UBR2: variants seen among roughly 807,000 people sequenced by gnomAD.
UBR2 encodes ubiquitin protein ligase E3 component n-recognin 2.
UBR2 carries 92 observed loss-of-function variants against 247.9 expected under a neutral mutation model. That is an observed-to-expected ratio of 0.37 (90% confidence interval 0.31 to 0.44). The LOEUF is 0.44. Ranked by LOEUF, UBR2 falls within the 20% of genes least tolerant of loss-of-function variation. UBR2 has a pLI of 1.00. For synonymous variants in UBR2, 672 were observed against 693.5 expected (o/e 0.97, Z 0.49); for missense variants, 1,613 against 2,112.6 (o/e 0.76, Z 4.64).
intron 23 of UBR2, 29 bp downstream of exon 23, chr6:42,650,415 G>A (rs1797046457): frequency 6.4e-7 from 1 of 1,565,156 alleles, no homozygotes. Context: ...AATGTAGCAG[G>A]GAAGGATTGC....
At chr6:42,680,160 C>G (rs1417054539) in intron 42 of UBR2, among the ~76,000 whole-genome samples, 1 of 152,114 alleles carries the variant, frequency 6.6e-6, no homozygotes, top group Admixed American at 6.5e-5. Context: ...CATACACCAC[C>G]ATGCCTGGCT....
intron 11 of UBR2, among the ~76,000 whole-genome samples, chr6:42,628,605 C>G (rs907128522): frequency 6.6e-6 from 1 of 151,640 alleles, no homozygotes; most frequent in Non-Finnish European, 1.5e-5. Context: ...TGCTGGTAAT[C>G]CTAGCTACTC....
chr6:42,669,818 G>A (rs1008180813), intron 34 of UBR2, among the ~76,000 whole-genome samples: 9 of 152,320 alleles, frequency 5.9e-5, no homozygotes, highest in Non-Finnish European at 1.3e-4. Context: ...GATGTTCTCA[G>A]GATGGGAAAC....
intron 4 of UBR2, among the ~76,000 whole-genome samples, chr6:42,597,230 C>A (rs1464802626): frequency 6.6e-6 from 1 of 152,130 alleles, no homozygotes; most frequent in African/African-American, 2.4e-5. Context: ...ACAATCCTGC[C>A]TGGAGAATGT....
intron 32 of UBR2, chr6:42,664,261 A>G (rs1797985543): frequency 6.6e-6 from 1 of 152,238 alleles, no homozygotes. Flanking sequence ...GAAGTGTTCC[A>G]TATTTTTAGC....
chr6:42,690,832 G>A (rs948414971), intron 46 of UBR2, among the ~76,000 whole-genome samples, 200 bp from the exon 47 acceptor site: 1 of 152,102 alleles, frequency 6.6e-6, no homozygotes, highest in African/African-American at 2.4e-5. Flanking sequence ...CCTCATTTCA[G>A]CACTTATTCC....
At chr6:42,631,050 TGCCTCA>T (rs1741227494) in intron 11 of UBR2, among the ~76,000 whole-genome samples, 1 of 152,152 alleles carries the variant, frequency 6.6e-6, no homozygotes, top group East Asian at 1.9e-4. Context: ...ATAATCCGCC[TGCCTCA>T]GCCTCCCAAA....
chr6:42,667,741 T>C (rs1798203047), intron 34 of UBR2, among the ~76,000 whole-genome samples: 1 of 146,534 alleles, frequency 6.8e-6, no homozygotes, highest in Admixed American at 6.8e-5. Context: ...AGTAGATCTA[T>C]CCAATGTCTA....
At position 42,659,554 on chromosome 6, in the gene UBR2, CACACACACT is replaced by C. The variant is rs1408679402; in HGVS notation, c.3243-93_3243-85del. 3.0e-5 allele frequency: 24 copies of C among 807,750 alleles called. No individual in the cohort carries two copies. In the African/African-American group the frequency reaches 3.6e-4, roughly 12 times the overall value. 50.0% of individuals were successfully genotyped at this position (807,750 alleles called of 1,614,324 possible). ...ACACACACACACACACACACACACA[CACACACACT>C]ACACACACACACACATACCTGTAGT... On this transcript the variant is annotated intron_variant, in intron 29 of 46. Coordinates refer to ENST00000372901, the MANE Select transcript of UBR2 (RefSeq NM_001363705.2). This position sits in a 1 kb window ranked among gnomAD's most constrained non-coding sequence, Gnocchi z 4.3.
At chr6:42,669,033 C>T (rs1277694868) in intron 34 of UBR2, among the ~76,000 whole-genome samples, 1 of 152,154 alleles carries the variant, frequency 6.6e-6, no homozygotes, top group African/African-American at 2.4e-5. Flanking sequence ...AAGGGATTCT[C>T]ATGCCTCAGC....
chr6:42,652,632 C>A lies in UBR2; in HGVS notation c.2756C>A (p.Ser919Tyr). The change falls in exon 25 of 47, where the codon TCC becomes TAC. Residue 919 changes from serine (S) to tyrosine (Y), a missense_variant. By Grantham distance (144) the Ser-to-Tyr change is moderately radical. Coordinates refer to ENST00000372901, the MANE Select transcript of UBR2 (RefSeq NM_001363705.2). The stretch of plus-strand genomic sequence containing the variant: ...CATAATGGATATGCCTGGTCAGAGT[C>A]CATGCTGCAAAGGGTAGGTTTGAAG... ...VEHNGYAWSE[S>Y]MLQRVLHLIG... 1 of 1,610,824 alleles carries A rather than the reference C, an allele frequency of 6.2e-7. No homozygotes were observed. Among genetic ancestry groups the A allele is most frequent in the South Asian group, 1.1e-5 (1 of 89,776 alleles).
chr6:42,643,152 T>C (rs1796541986), intron 18 of UBR2, among the ~76,000 whole-genome samples: 1 of 152,170 alleles, frequency 6.6e-6, no homozygotes, highest in Non-Finnish European at 1.5e-5. Flanking sequence ...CCCTGGACTG[T>C]GATTACTGTT....
intron 5 of UBR2, among the ~76,000 whole-genome samples, chr6:42,604,398 T>C (rs1439033186): frequency 1.3e-5 from 2 of 152,160 alleles, no homozygotes; most frequent in African/African-American, 4.8e-5. Flanking sequence ...GGGACATTGG[T>C]GCTGTTTCTT....
intron 11 of UBR2, among the ~76,000 whole-genome samples, chr6:42,631,254 C>T (rs931613101): frequency 6.6e-6 from 1 of 152,104 alleles, no homozygotes; most frequent in African/African-American, 2.4e-5. Context: ...GGGTGAGGAT[C>T]CATGATCTTT....
intron 21 of UBR2, among the ~76,000 whole-genome samples, chr6:42,647,767 G>A (rs1433223576): frequency 2.0e-5 from 3 of 151,966 alleles, no homozygotes; most frequent in South Asian, 2.1e-4. Context: ...AATACCAGAC[G>A]TATTTTACAT....
In UBR2 at chr6:42,597,232, G is replaced by A. The variant is rs983394723; in HGVS notation, c.531+2928G>A. Among the ~76,000 whole-genome samples, 8 of 152,222 alleles carry A rather than the reference G, an allele frequency of 5.3e-5. No individual in the cohort carries two copies. In the South Asian group the frequency reaches 1.0e-3, roughly 20 times the overall value. On this transcript the variant is annotated intron_variant, in intron 4 of 46. Transcript: ENST00000372901. Reference sequence around the variant, plus strand: ...AGCCAAAAGTCATACAATCCTGCCTGGAGAATGTATACTCCTGGAACTAGA... The same window carrying A: ...AGCCAAAAGTCATACAATCCTGCCTAGAGAATGTATACTCCTGGAACTAGA...
intron 32 of UBR2, 103 bp downstream of exon 32, chr6:42,663,522 G>A: frequency 2.5e-6 from 3 of 1,201,176 alleles, no homozygotes; most frequent in South Asian, 3.5e-5. Context: ...ATTGCATAGT[G>A]TTTTCCAGAT....
chr6:42,678,404 C>G, intron 40 of UBR2, 135 bp from the exon 41 acceptor site: 3 of 868,790 alleles, frequency 3.5e-6, no homozygotes, highest in Non-Finnish European at 5.1e-6. Context: ...TAACACACAC[C>G]CACTTGCCTG....
At chr6:42,620,043 C>A in intron 11 of UBR2, 1 of 935,984 alleles carries the variant, frequency 1.1e-6, no homozygotes, top group South Asian at 4.9e-5. Context: ...TTATATCTGT[C>A]TGGTCTATCT....
Sources: gnomAD v4.1 joint callset for allele counts (sites outside exome capture counted in the v4.1 genomes callset) on GRCh38, gnomAD v4.1.1 for gene constraint, Gnocchi (gnomAD v3.1) non-coding constraint, MANE v1.5 for transcripts, NCBI Gene and HGNC (gene_info 2026-07-23, HGNC 2026-07-21) for gene names.